MSRA: variants seen among roughly 807,000 people sequenced by gnomAD.
MSRA encodes mitochondrial peptide methionine sulfoxide reductase.
Under a neutral mutation model 31.3 loss-of-function variants are expected in MSRA, and 54 were observed. The observed-to-expected ratio is 1.73, with a 90% CI of 1.39 to 2.17. MSRA has a LOEUF of 2.17. Ranked by LOEUF, MSRA falls within the 30% of genes most tolerant of loss-of-function variation. The pLI, the probability that MSRA is intolerant of heterozygous loss-of-function variation, is 0.00. For missense variants in MSRA, 507 were observed against 300.9 expected, an observed-to-expected ratio of 1.69 and a Z score of -5.07; for synonymous variants, 169 against 116.5, an observed-to-expected ratio of 1.45 and a Z score of -2.90.
At chr8:10,123,312 T>G (rs1428962611) in intron 1 of MSRA, among the ~76,000 whole-genome samples, 1 of 152,254 alleles carries the variant, frequency 6.6e-6, no homozygotes, top group Non-Finnish European at 1.5e-5. Flanking sequence ...GATTGTTGGC[T>G]GCATGTATGT....
At chr8:10,241,002 C>T (rs1216396425) in intron 2 of MSRA, among the ~76,000 whole-genome samples, 1 of 152,084 alleles carries the variant, frequency 6.6e-6, no homozygotes, top group Non-Finnish European at 1.5e-5. Flanking sequence ...TCTGGTCCTG[C>T]TTGTGCATGA....
At chr8:10,279,012 C>T (rs1003059672) in intron 3 of MSRA, among the ~76,000 whole-genome samples, 2 of 152,022 alleles carry the variant, frequency 1.3e-5, no homozygotes, top group African/African-American at 4.8e-5. Context: ...AAAATTGCCC[C>T]GTGATGGTTA....
chr8:10,274,258 G>A (rs1395516057), intron 3 of MSRA, among the ~76,000 whole-genome samples: 1 of 152,190 alleles, frequency 6.6e-6, no homozygotes, highest in African/African-American at 2.4e-5. Context: ...GGTATGTACG[G>A]TGGGCCAGGG....
chr8:10,165,600 C>T (rs1047303441), intron 1 of MSRA, among the ~76,000 whole-genome samples: 1 of 152,136 alleles, frequency 6.6e-6, no homozygotes, highest in African/African-American at 2.4e-5. Context: ...GCCCAGGTGG[C>T]TTCAATTTCC....
chr8:10,175,789 A>AG (rs1805997268), intron 1 of MSRA, among the ~76,000 whole-genome samples: 1 of 152,208 alleles, frequency 6.6e-6, no homozygotes, highest in African/African-American at 2.4e-5. Context: ...TGTGATGCCA[A>AG]GGGGGCATTT....
intron 1 of MSRA, among the ~76,000 whole-genome samples, chr8:10,125,622 G>C (rs754109618): frequency 6.6e-6 from 1 of 152,176 alleles, no homozygotes; most frequent in Non-Finnish European, 1.5e-5. Context: ...GGTATAGCGG[G>C]AACCACTGAG....
chr8:10,388,538 G>T (rs1269564585), intron 5 of MSRA, among the ~76,000 whole-genome samples: 1 of 152,096 alleles, frequency 6.6e-6, no homozygotes, highest in Non-Finnish European at 1.5e-5. Flanking sequence ...CGTGAGCTTC[G>T]AAAAATCCTG....
At chr8:10,315,946 A>G (rs1172105756) in intron 4 of MSRA, among the ~76,000 whole-genome samples, 1 of 152,248 alleles carries the variant, frequency 6.6e-6, no homozygotes, top group Non-Finnish European at 1.5e-5. Flanking sequence ...TTGACCTTTC[A>G]TGAAGAAATC....
At chr8:10,393,155 T>C (rs187864244) in intron 5 of MSRA, among the ~76,000 whole-genome samples, 1 of 151,698 alleles carries the variant, frequency 6.6e-6, no homozygotes, top group Admixed American at 6.6e-5. Context: ...CTCCTTGAGC[T>C]TGGGGAGATT....
At chr8:10,325,877 G>A (rs1182116521) in intron 5 of MSRA, among the ~76,000 whole-genome samples, 7 of 152,204 alleles carry the variant, frequency 4.6e-5, no homozygotes, top group African/African-American at 1.2e-4. Flanking sequence ...ACAAGCTCCT[G>A]AAACCACAGA....
chr8:10,274,242 G>A (rs775577242), intron 3 of MSRA, among the ~76,000 whole-genome samples: 3 of 152,164 alleles, frequency 2.0e-5, no homozygotes, highest in Non-Finnish European at 4.4e-5. Flanking sequence ...GTATGTAAAA[G>A]GCTTGGGTAT....
chr8:10,395,695 T>C (rs918831473), intron 5 of MSRA, among the ~76,000 whole-genome samples: 3 of 152,168 alleles, frequency 2.0e-5, no homozygotes, highest in African/African-American at 7.2e-5. Context: ...TGCACATCCA[T>C]TGACCCTGGG....
intron 5 of MSRA, chr8:10,326,423 T>C (rs908897197): frequency 1.3e-5 from 2 of 152,240 alleles, no homozygotes; most frequent in African/African-American, 4.8e-5. Context: ...CACCAGCGAC[T>C]GTCAGAGTTT....
At chr8:10,260,053 C>G (rs533661405) in intron 3 of MSRA, among the ~76,000 whole-genome samples, 15 of 152,358 alleles carry the variant, frequency 9.8e-5, no homozygotes, top group African/African-American at 3.6e-4. Flanking sequence ...AAAGAGAAAA[C>G]AACCAAGTCA....
chr8:10,289,817 A>G (rs865964127), intron 3 of MSRA, among the ~76,000 whole-genome samples: 2 of 152,164 alleles, frequency 1.3e-5, no homozygotes, highest in African/African-American at 2.4e-5. Context: ...AGAGCCGTCC[A>G]TGTTGTTCTG....
chr8:10,128,557 G>C (rs1218110660), intron 1 of MSRA, among the ~76,000 whole-genome samples: 3 of 152,156 alleles, frequency 2.0e-5, no homozygotes, highest in Admixed American at 6.5e-5. Context: ...GCTGAGGCTG[G>C]TGTAGGCTCA....
intron 5 of MSRA, among the ~76,000 whole-genome samples, chr8:10,349,619 G>A (rs556685692): frequency 6.6e-6 from 1 of 152,244 alleles, no homozygotes; most frequent in East Asian, 1.9e-4. Flanking sequence ...CCTCAATGAT[G>A]AGGAAGACCC....
chr8:10,192,515 A>G (rs767627977), intron 1 of MSRA, among the ~76,000 whole-genome samples: 23 of 152,252 alleles, frequency 1.5e-4, no homozygotes, highest in Admixed American at 1.5e-3. Context: ...GTACCTTGCA[A>G]TTGAACAGTG....
At chr8:10,079,375 G>A (rs745330749) in intron 1 of MSRA, among the ~76,000 whole-genome samples, 5 of 152,004 alleles carry the variant, frequency 3.3e-5, no homozygotes, top group South Asian at 2.1e-4. Flanking sequence ...GGCTTGTCTC[G>A]AACTCGTGGG....
Sources: gnomAD v4.1 joint callset for allele counts (sites outside exome capture counted in the v4.1 genomes callset) on GRCh38, gnomAD v4.1.1 for gene constraint, MANE v1.5 for transcripts, NCBI Gene and HGNC (gene_info 2026-07-23, HGNC 2026-07-21) for gene names.